Variants in CHN1 observed in about 807,000 individuals in gnomAD.
CHN1 encodes N-chimaerin.
Under a neutral mutation model 59.5 loss-of-function variants are expected in CHN1, and 37 were observed. The observed-to-expected ratio is 0.62, with a 90% confidence interval of 0.48 to 0.82. The LOEUF is 0.82. Ranked by LOEUF, CHN1 falls within the 40% of genes least tolerant of loss-of-function variation. The pLI is 0.00. For synonymous variants in CHN1, 206 were observed against 200.4 expected, an observed-to-expected ratio of 1.03 and a Z score of -0.24; for missense variants, 469 against 571.0, an observed-to-expected ratio of 0.82 and a Z score of 1.82.
intron 3 of CHN1, among the ~76,000 whole-genome samples, chr2:174,938,855 AT>A: frequency 6.6e-6 from 1 of 152,262 alleles, no homozygotes; most frequent in South Asian, 2.1e-4. Flanking sequence ...GGAGAAAAAA[AT>A]ATAAATATTT....
chr2:174,836,935 C>G (rs1686103696), intron 7 of CHN1, among the ~76,000 whole-genome samples: 1 of 152,082 alleles, frequency 6.6e-6, no homozygotes, highest in Admixed American at 6.6e-5. Context: ...CCAGAGGGAG[C>G]CTAAAAATGA....
In CHN1 at chr2:174,846,952, T is replaced by C; in HGVS notation, c.555A>G (p.Thr185=). The C allele has an allele frequency of 6.4e-7, 1 of 1,553,950 alleles. No individual in the cohort carries two copies. ...GQDGVSEKRL[T]SLVRRATLKE... ...TCAGAGTTGCTCTTCTAACAAGTGA[T>C]GTCAACTGCGAATAAGCAAAGAGTT... The change falls in exon 7 of 13, where the codon ACA becomes ACG. Residue 185 remains threonine, a synonymous_variant. Coordinates refer to ENST00000409900, the MANE Select transcript of CHN1 (RefSeq NM_001822.7).
intron 3 of CHN1, among the ~76,000 whole-genome samples, chr2:174,933,915 T>C (rs1228322846): frequency 1.3e-5 from 2 of 152,084 alleles, no homozygotes; most frequent in Admixed American, 6.6e-5. Context: ...CAGTGGAAGT[T>C]TGTGGAAGTT....
At chr2:174,964,340 T>C (rs183561849) in intron 1 of CHN1, among the ~76,000 whole-genome samples, 2 of 152,326 alleles carry the variant, frequency 1.3e-5, no homozygotes, top group South Asian at 2.1e-4. Context: ...TATTCTCTCC[T>C]AGAACCAGGA....
At chr2:174,904,233 C>A (rs1057277936) in intron 5 of CHN1, among the ~76,000 whole-genome samples, 4 of 151,164 alleles carry the variant, frequency 2.6e-5, no homozygotes, top group African/African-American at 2.4e-5. Flanking sequence ...GCACTCCAGC[C>A]TGAGCAACAA....
intron 2 of CHN1, chr2:174,945,262 C>G: frequency 2.4e-6 from 1 of 416,648 alleles, no homozygotes. Flanking sequence ...TAAAGGATGT[C>G]TATGATATAA....
Position 174,906,917 on chromosome 2 carries a change from G to A in CHN1, c.260+8141C>T, listed in dbSNP as rs73973647. Reference sequence around the variant, plus strand: ...CTTTTTAAAAGGGGGGAAAAAATGAGGACTGGGGAGTGCATGTTTATCTGA... The same window carrying A: ...CTTTTTAAAAGGGGGGAAAAAATGAAGACTGGGGAGTGCATGTTTATCTGA... On this transcript the variant is annotated intron_variant, in intron 5 of 12. Transcript: ENST00000409900. 2.0e-3 allele frequency among the ~76,000 whole-genome samples: 305 copies of A among 152,240 alleles called. 4 individuals are homozygous for A. The highest frequency in any genetic ancestry group is 7.0e-3 in the African/African-American group (291 of 41,526).
At chr2:174,827,605 G>C (rs1393051830) in intron 7 of CHN1, among the ~76,000 whole-genome samples, 2 of 152,204 alleles carry the variant, frequency 1.3e-5, no homozygotes, top group Admixed American at 1.3e-4. Context: ...GATTGTTAAG[G>C]GGAGTGACAC....
chr2:174,811,322 A>G, intron 10 of CHN1, 189 bp downstream of exon 10: 1 of 513,212 alleles, frequency 1.9e-6, no homozygotes, highest in East Asian at 3.2e-5. Context: ...CTTCTTTCAT[A>G]TTCTGAAATT....
intron 1 of CHN1, among the ~76,000 whole-genome samples, chr2:174,987,566 A>G (rs545511333): frequency 2.0e-5 from 3 of 151,696 alleles, no homozygotes; most frequent in African/African-American, 4.8e-5. Flanking sequence ...TACCACCACT[A>G]ATTTTTGTAT....
chr2:174,940,497 C>T (rs984619077), intron 3 of CHN1, among the ~76,000 whole-genome samples: 1 of 151,558 alleles, frequency 6.6e-6, no homozygotes, highest in African/African-American at 2.4e-5. Context: ...GGCCATGTCT[C>T]TTTAGTCTCC....
At chr2:174,905,365 T>C (rs1688514551) in intron 5 of CHN1, among the ~76,000 whole-genome samples, 1 of 152,158 alleles carries the variant, frequency 6.6e-6, no homozygotes, top group Non-Finnish European at 1.5e-5. Context: ...AACTCAACTC[T>C]ACCCTTAAAT....
chr2:174,986,025 G>A (rs1486856833), intron 1 of CHN1, among the ~76,000 whole-genome samples: 1 of 151,920 alleles, frequency 6.6e-6, no homozygotes, highest in Admixed American at 6.6e-5. Context: ...ATTTTCCAGG[G>A]TCCAAACATC....
intron 1 of CHN1, among the ~76,000 whole-genome samples, chr2:174,982,142 A>G (rs1398266358): frequency 6.6e-5 from 10 of 152,012 alleles, no homozygotes; most frequent in East Asian, 5.8e-4. Flanking sequence ...ATTTTTTATG[A>G]CTGCATAGTA....
At chr2:174,981,834 T>C (rs1052149335) in intron 1 of CHN1, among the ~76,000 whole-genome samples, 3 of 152,292 alleles carry the variant, frequency 2.0e-5, no homozygotes, top group African/African-American at 7.2e-5. Flanking sequence ...TTAGGGTACA[T>C]GTGCACAACG....
chr2:174,858,285 G>T (rs1686967023), intron 6 of CHN1, among the ~76,000 whole-genome samples: 1 of 152,042 alleles, frequency 6.6e-6, no homozygotes, highest in Non-Finnish European at 1.5e-5. Context: ...TATATCAATT[G>T]TAATTTATTT....
At chr2:174,916,812 G>C (rs2105372032) in intron 4 of CHN1, among the ~76,000 whole-genome samples, 1 of 152,334 alleles carries the variant, frequency 6.6e-6, no homozygotes, top group Non-Finnish European at 1.5e-5. Flanking sequence ...CCTATCCCTT[G>C]CTATTTAGCA....
intron 6 of CHN1, among the ~76,000 whole-genome samples, chr2:174,860,716 T>C (rs536562515): frequency 1.3e-5 from 2 of 152,318 alleles, no homozygotes; most frequent in Admixed American, 1.3e-4. Context: ...GCACCGTATT[T>C]TTGTCCCATA....
intron 6 of CHN1, among the ~76,000 whole-genome samples, chr2:174,867,952 C>G (rs994473509): frequency 6.6e-6 from 1 of 151,936 alleles, no homozygotes; most frequent in Non-Finnish European, 1.5e-5. Flanking sequence ...ACATGGGTTA[C>G]TTAAAATAAA....
Sources: allele counts gnomAD v4.1 joint callset (sites outside exome capture counted in the v4.1 genomes callset), GRCh38; gene constraint gnomAD v4.1.1; transcripts MANE v1.5; gene names NCBI Gene and HGNC (gene_info 2026-07-23, HGNC 2026-07-21).